Variants in MICALL1 observed in about 807,000 individuals in gnomAD.
The protein encoded by MICALL1 is MICAL like 1.
MICALL1 carries 61 observed loss-of-function variants against 83.7 expected under a neutral mutation model. The observed-to-expected ratio is 0.73, with a 90% confidence interval of 0.59 to 0.90. The LOEUF is 0.90. Ranked by LOEUF, MICALL1 falls within the 40% of genes least tolerant of loss-of-function variation. MICALL1 has a pLI of 0.00. For synonymous variants in MICALL1, 481 were observed against 473.6 expected, an observed-to-expected ratio of 1.02 and a Z score of -0.20; for missense variants, 1,066 against 1,152.0, an observed-to-expected ratio of 0.93 and a Z score of 1.08.
At chr22:37,914,223 TTTTC>T (rs544329374) in intron 3 of MICALL1, among the ~76,000 whole-genome samples, 218 of 126,574 alleles carry the variant, frequency 1.7e-3, no homozygotes, top group Middle Eastern at 8.7e-3. Context: ...GTTTCTTTTC[TTTTC>T]TTTCTTTTTT....
chr22:37,923,340 C>T (rs1443834648), intron 6 of MICALL1, among the ~76,000 whole-genome samples: 1 of 152,086 alleles, frequency 6.6e-6, no homozygotes, highest in Non-Finnish European at 1.5e-5. Context: ...GATTCTCCTG[C>T]CTCAGCCTTC....
Position 37,906,522 on chromosome 22 carries a change from G to A in MICALL1, c.100G>A (p.Gly34Ser). The A allele has an allele frequency of 8.1e-7, 1 of 1,239,626 alleles. No homozygotes were observed. The highest frequency in any genetic ancestry group is 2.7e-5 in the South Asian group (1 of 36,486). 76.8% of individuals were successfully genotyped at this position (1,239,626 alleles called of 1,614,324 possible). ...CGACCTGAGCAGCTCCTTCCGGGACGGCCTGGCCTTCTGCGCCATCCTGCA... is the reference window on the plus strand; with the variant it reads ...CGACCTGAGCAGCTCCTTCCGGGACAGCCTGGCCTTCTGCGCCATCCTGCA... The part of the protein sequence containing the change: ...IRDLSSSFRD[G>S]LAFCAILHRH... Residue 34 changes from glycine (G) to serine (S), a missense_variant, in exon 1 of 16, where the codon GGC becomes AGC. Physicochemically the swap from Gly to Ser is moderately conservative, Grantham distance 56. Transcript: ENST00000215957. The surrounding 1 kb of genome is among the most constrained non-coding windows in gnomAD (Gnocchi z 4.4).
intron 1 of MICALL1, chr22:37,907,038 C>G (rs939190402): frequency 2.6e-5 from 4 of 152,734 alleles, no homozygotes; most frequent in African/African-American, 9.6e-5. Flanking sequence ...CCCCACTTCT[C>G]TGACCCCCAA....
At position 37,932,692 on chromosome 22, in the gene MICALL1, C is replaced by A; in HGVS notation, c.2143+13C>A. ...GGCGGCCTGAATGGTGCGGGAGCGGCTGGGAGGGCCTGCTGGGTGGGGCTG... is the reference window on the plus strand; with the variant it reads ...GGCGGCCTGAATGGTGCGGGAGCGGATGGGAGGGCCTGCTGGGTGGGGCTG... On this transcript the variant is annotated intron_variant, in intron 11 of 15. Coordinates refer to ENST00000215957, the MANE Select transcript of MICALL1 (RefSeq NM_033386.4). This position sits in a 1 kb window ranked among gnomAD's most constrained non-coding sequence, Gnocchi z 4.4. 2 of 1,612,632 alleles carry A rather than the reference C, an allele frequency of 1.2e-6. No individual in the cohort carries two copies. The highest frequency in any genetic ancestry group is 1.7e-6 in the Non-Finnish European group (2 of 1,179,522).
At chr22:37,913,488 T>A (rs1213779685) in intron 3 of MICALL1, among the ~76,000 whole-genome samples, 1 of 152,184 alleles carries the variant, frequency 6.6e-6, no homozygotes, top group Non-Finnish European at 1.5e-5. Flanking sequence ...TTCCTTGGGT[T>A]TTTCCTCCAG....
intron 1 of MICALL1, among the ~76,000 whole-genome samples, chr22:37,908,182 T>A (rs895928587): frequency 6.6e-6 from 1 of 152,136 alleles, no homozygotes; most frequent in Non-Finnish European, 1.5e-5. Flanking sequence ...AGTGTCCTCA[T>A]CTGTGAGGTG....
Position 37,906,849 on chromosome 22 carries a change from T to G in MICALL1, c.146+281T>G. 3.5e-5 allele frequency: 6 copies of G among 169,252 alleles called. No homozygotes were observed. The highest frequency in any genetic ancestry group is 2.0e-4 in the South Asian group (1 of 4,964). 10.5% of individuals were successfully genotyped at this position (169,252 alleles called of 1,614,324 possible). A position where few individuals can be genotyped will look rare whatever the true frequency, so the allele number is the denominator to read the frequency against. ...ACTGGCCCCGCCCACAAAGCGCTGA[T>G]TTCCGCCGAGGATCGCTGAACCCCT... On this transcript the variant is annotated intron_variant, in intron 1 of 15. Transcript: ENST00000215957. This position sits in a 1 kb window ranked among gnomAD's most constrained non-coding sequence, Gnocchi z 4.4.
In MICALL1 at chr22:37,912,379, G is replaced by A; in HGVS notation, c.224G>A (p.Gly75Glu). The A allele has an allele frequency of 1.2e-6, 2 of 1,613,388 alleles. No individual in the cohort carries two copies. The highest frequency in any genetic ancestry group is 1.1e-5 in the South Asian group (1 of 91,036). Reference protein sequence around the residue: ...LAFEVAEKELGIPALLDPNDM... With the variant: ...LAFEVAEKELEIPALLDPNDM... ...TTTGAAGTGGCTGAGAAGGAGCTGG[G>A]GATCCCCGCTCTCCTGGACCCCAAT... Residue 75 changes from glycine (G) to glutamate (E), a missense_variant, in exon 3 of 16, where the codon GGG becomes GAG. By Grantham distance (98) the Gly-to-Glu change is moderately conservative. Coordinates refer to ENST00000215957, the MANE Select transcript of MICALL1 (RefSeq NM_033386.4).
At chr22:37,929,529 C>T (rs1482474143) in intron 9 of MICALL1, among the ~76,000 whole-genome samples, 1 of 152,174 alleles carries the variant, frequency 6.6e-6, no homozygotes, top group Non-Finnish European at 1.5e-5. Context: ...GCAGACGTGG[C>T]CCTATCCTGT....
At position 37,911,981 on chromosome 22, in the gene MICALL1, T is replaced by C; in HGVS notation, c.176T>C (p.Val59Ala). 2.5e-6 allele frequency: 4 copies of C among 1,614,206 alleles called. No homozygotes were observed. Among genetic ancestry groups the C allele is most frequent in the Non-Finnish European group, 2.5e-6 (3 of 1,180,034 alleles). ...LDFDSLSKDNVFENNRLAFEV... is the reference protein window; with the variant it reads ...LDFDSLSKDNAFENNRLAFEV... The stretch of plus-strand genomic sequence containing the variant: ...TTTGATTCGCTTTCCAAGGACAATG[T>C]CTTCGAGAATAACCGTTTGGTAAGT... The change falls in exon 2 of 16, where the codon GTC (valine) becomes GCC (alanine). Residue 59 changes from valine (V) to alanine (A), a missense_variant. Physicochemically the swap from Val to Ala is moderately conservative, Grantham distance 64 (BLOSUM62 0). Transcript: ENST00000215957.
rs375161285 is a variant in MICALL1 at position 37,925,650 on chromosome 22, C to A, written c.1083-11C>A. The A allele has an allele frequency of 5.0e-6, 8 of 1,588,928 alleles. No individual in the cohort carries two copies. Among genetic ancestry groups the A allele is most frequent in the Non-Finnish European group, 6.9e-6 (8 of 1,164,278 alleles). On this transcript the variant is annotated splice_polypyrimidine_tract_variant and intron_variant, in intron 7 of 15. Transcript: ENST00000215957. The stretch of plus-strand genomic sequence containing the variant: ...CTGCTAATGGTTTCTGCTGCTTCCC[C>A]CCTCCTCCAGGACACCAGCCCCCAG...
chr22:37,916,623 A>C (rs140102348), intron 3 of MICALL1, among the ~76,000 whole-genome samples: 1 of 152,310 alleles, frequency 6.6e-6, no homozygotes, highest in Non-Finnish European at 1.5e-5. Flanking sequence ...CTGAGTGTTC[A>C]GCTGTGCCAC....
chr22:37,917,061 G>A (rs1928723255), intron 3 of MICALL1, among the ~76,000 whole-genome samples: 1 of 152,014 alleles, frequency 6.6e-6, no homozygotes, highest in African/African-American at 2.4e-5. Flanking sequence ...TAGTAGAGAT[G>A]GTGTTTCACT....
rs1187366431 is a variant in MICALL1 at position 37,941,715 on chromosome 22, C to T, written c.*885C>T. 6.6e-6 allele frequency: 1 copy of T among 152,530 alleles called. No individual in the cohort carries two copies. The highest frequency in any genetic ancestry group is 2.4e-5 in the African/African-American group (1 of 41,474). 9.4% of individuals were successfully genotyped at this position (152,530 alleles called of 1,614,324 possible). ...TCCAGGGAAGAGGCTCGCTCCCGCC[C>T]ATGGTCATCACTGGTCTGTCTGCTC... On this transcript the variant is annotated 3_prime_UTR_variant, in exon 16 of 16. Transcript: ENST00000215957.
chr22:37,937,925 G>C, intron 15 of MICALL1, 133 bp downstream of exon 15: 2 of 1,108,460 alleles, frequency 1.8e-6, no homozygotes, highest in Non-Finnish European at 2.7e-6. Context: ...CGCAGCCTCT[G>C]TTGTGCAGAG....
At position 37,937,104 on chromosome 22, in the gene MICALL1, G is replaced by A. The variant is rs1212920992; in HGVS notation, c.2333G>A (p.Arg778Gln). 7.1e-6 allele frequency: 11 copies of A among 1,551,656 alleles called. No homozygotes were observed. In the East Asian group the frequency reaches 9.8e-5, roughly 14 times the overall value. The change falls in exon 14 of 16, where the codon CGG becomes CAG. Residue 778 changes from arginine to glutamine, a missense_variant. Physicochemically the swap from Arg to Gln is conservative, Grantham distance 43. Transcript: ENST00000215957. ...GAAAAGGACTGGACGGAGGAGGACC[G>A]GGCCCGGGAGAAGGTGCTGATGCAG... ...KPEKDWTEED[R>Q]AREKVLMQEL...
At chr22:37,938,091 C>T (rs1417928732) in intron 15 of MICALL1, among the ~76,000 whole-genome samples, 2 of 152,096 alleles carry the variant, frequency 1.3e-5, no homozygotes, top group Non-Finnish European at 2.9e-5. Context: ...GTGCATTCCC[C>T]CTTGAGATCT....
chr22:37,941,466 C>T lies in MICALL1; in HGVS notation c.*636C>T, dbSNP rs1468320056. On this transcript the variant is annotated 3_prime_UTR_variant, in exon 16 of 16. Transcript: ENST00000215957. ...TCACAGTTCCAGGAGCGGCTTCCCT[C>T]GTCTCCCCTTACTCCACAGGGAGCC... 1 of 152,580 alleles carries T rather than the reference C, an allele frequency of 6.6e-6. No homozygotes were observed. Among genetic ancestry groups the T allele is most frequent in the Admixed American group, 6.5e-5 (1 of 15,302 alleles). 9.5% of individuals were successfully genotyped at this position (152,580 alleles called of 1,614,324 possible).
In MICALL1 at chr22:37,927,629, T is replaced by G. The variant is rs1170960929; in HGVS notation, c.1684T>G (p.Ser562Ala). ...VSLSTNSSLA[S>A]SGELVEPRVE... The stretch of plus-strand genomic sequence containing the variant: ...CCTCTCTACCAACTCCTCCCTGGCC[T>G]CCTCTGGGGAACTAGTGGAGCCTAG... The change falls in exon 9 of 16, where the codon TCC becomes GCC. Residue 562 changes from serine (S) to alanine (A), a missense_variant. Physicochemically the swap from Ser to Ala is moderately conservative, Grantham distance 99. Transcript: ENST00000215957. The G allele has an allele frequency of 1.9e-6, 3 of 1,614,024 alleles. No homozygotes were observed. Among genetic ancestry groups the G allele is most frequent in the Non-Finnish European group, 2.5e-6 (3 of 1,179,918 alleles).
Sources: gnomAD v4.1 joint callset for allele counts (sites outside exome capture counted in the v4.1 genomes callset) on GRCh38, gnomAD v4.1.1 for gene constraint, Gnocchi (gnomAD v3.1) non-coding constraint, MANE v1.5 for transcripts, NCBI Gene and HGNC (gene_info 2026-07-23, HGNC 2026-07-21) for gene names.